Variants in CCNC observed in about 807,000 individuals in gnomAD.
The protein encoded by CCNC is cyclin-C.
In CCNC, 19 loss-of-function variants were observed where a neutral mutation model predicts 50.0. That is an observed-to-expected ratio of 0.38 (90% CI 0.27 to 0.56). CCNC has a LOEUF of 0.56. Ranked by LOEUF, CCNC falls within the 20% of genes least tolerant of loss-of-function variation. CCNC has a pLI of 0.72. For synonymous variants in CCNC, 93 were observed against 103.7 expected (o/e 0.90, Z 0.63); for missense variants, 200 against 327.1 (o/e 0.61, Z 3.00).
chr6:99,553,823 A>C (rs1432155381), intron 5 of CCNC, among the ~76,000 whole-genome samples: 1 of 152,180 alleles, frequency 6.6e-6, no homozygotes, highest in Non-Finnish European at 1.5e-5. Context: ...GTACTTTCTT[A>C]TATTAGCCCA....
chr6:99,543,725 G>C (rs1801961755), intron 11 of CCNC, 116 bp from the exon 12 acceptor site: 11 of 1,505,626 alleles, frequency 7.3e-6, no homozygotes, highest in Non-Finnish European at 9.8e-6. Flanking sequence ...ACAAAACAAA[G>C]ACATTCCTCA....
chr6:99,564,448 C>G (rs1273389076), intron 1 of CCNC, among the ~76,000 whole-genome samples: 1 of 149,888 alleles, frequency 6.7e-6, no homozygotes, highest in Non-Finnish European at 1.5e-5. Flanking sequence ...AAAAAAATTC[C>G]TATGGGTTAC....
chr6:99,561,882 C>T (rs1802795974), intron 2 of CCNC: 3 of 331,432 alleles, frequency 9.1e-6, no homozygotes, highest in African/African-American at 4.3e-5. Context: ...TATGCATAAA[C>T]AACAACAAAA....
At position 99,568,624 on chromosome 6, in the gene CCNC, A is replaced by T. The variant is rs540681466; in HGVS notation, c.-97T>A. 1.3e-5 allele frequency: 20 copies of T among 1,558,960 alleles called. No individual in the cohort carries two copies. Among genetic ancestry groups the T allele is most frequent in the Non-Finnish European group, 1.7e-5 (20 of 1,153,448 alleles). Reference sequence around the variant, plus strand: ...CGTCCGGTAACCGCGCTCCTCGATCAAATCAGCTCGGCTCGACTCCGCTCC... The same window carrying T: ...CGTCCGGTAACCGCGCTCCTCGATCTAATCAGCTCGGCTCGACTCCGCTCC... On this transcript the variant is annotated 5_prime_UTR_variant, in exon 1 of 12. Transcript: ENST00000520429.
intron 1 of CCNC, chr6:99,568,110 T>TA (rs1300396401): frequency 5.2e-6 from 1 of 193,854 alleles, no homozygotes; most frequent in Non-Finnish European, 1.1e-5. Flanking sequence ...AAACCCCAGG[T>TA]AAAAGCACGC....
rs748785666 is a variant in CCNC at position 99,568,483 on chromosome 6, G to T, written c.32+13C>A. 11 of 1,611,626 alleles carry T rather than the reference G, an allele frequency of 6.8e-6. No individual in the cohort carries two copies. In the African/African-American group the frequency reaches 1.1e-4, roughly 16 times the overall value. ...AAAACCGGCCCCAGGTGAGAAGACG[G>T]AAGATCGCTTACTAGTGGGAGCTCT... On this transcript the variant is annotated intron_variant, in intron 1 of 11. Coordinates refer to ENST00000520429, the MANE Select transcript of CCNC (RefSeq NM_005190.4).
At chr6:99,550,489 G>A (rs1802246726) in intron 7 of CCNC, 180 bp from the exon 8 acceptor site, 2 of 539,264 alleles carry the variant, frequency 3.7e-6, no homozygotes, top group South Asian at 2.6e-5. Context: ...TACCGTAATA[G>A]TGAAGGCAGT....
chr6:99,549,145 GTATT>G (rs1381337888), intron 9 of CCNC, among the ~76,000 whole-genome samples: 1 of 152,074 alleles, frequency 6.6e-6, no homozygotes, highest in Non-Finnish European at 1.5e-5. Context: ...CAACCTCTGA[GTATT>G]TGTTTGGGCT....
chr6:99,555,883 CAGTA>C (rs1053482755), intron 5 of CCNC, among the ~76,000 whole-genome samples: 3 of 152,118 alleles, frequency 2.0e-5, no homozygotes, highest in African/African-American at 7.2e-5. Flanking sequence ...TTCTCTTTTT[CAGTA>C]CCAGCTTCAG....
rs953074576 is a variant in CCNC at position 99,542,963 on chromosome 6, T to A, written c.*592A>T. 1 of 152,602 alleles carries A rather than the reference T, an allele frequency of 6.6e-6. No homozygotes were observed. The highest frequency in any genetic ancestry group is 2.4e-5 in the African/African-American group (1 of 41,458). 9.5% of individuals were successfully genotyped at this position (152,602 alleles called of 1,614,324 possible). A position where few individuals can be genotyped will look rare whatever the true frequency, so the allele number is the denominator to read the frequency against. ...TACATATTGCACTTTTCTGCTAGGC[T>A]GGGCTAGTATCTTCCATGGCAAGAT... On this transcript the variant is annotated 3_prime_UTR_variant, in exon 12 of 12. Transcript: ENST00000520429.
intron 4 of CCNC, among the ~76,000 whole-genome samples, chr6:99,559,120 C>T (rs1400073436): frequency 6.6e-6 from 1 of 151,078 alleles, no homozygotes; most frequent in East Asian, 1.9e-4. Flanking sequence ...TTAACAGATA[C>T]TTCATGCCAT....
At position 99,568,633 on chromosome 6, in the gene CCNC, C is replaced by G; in HGVS notation, c.-106G>C. On this transcript the variant is annotated 5_prime_UTR_variant, in exon 1 of 12. Coordinates refer to ENST00000520429, the MANE Select transcript of CCNC (RefSeq NM_005190.4). ...ACCGCGCTCCTCGATCAAATCAGCT[C>G]GGCTCGACTCCGCTCCGCGGCGGCG... The G allele has an allele frequency of 6.5e-7, 1 of 1,548,774 alleles. No homozygotes were observed. Among genetic ancestry groups the G allele is most frequent in the Non-Finnish European group, 8.7e-7 (1 of 1,148,672 alleles).
intron 11 of CCNC, among the ~76,000 whole-genome samples, chr6:99,544,870 C>A (rs546425992): frequency 2.1e-4 from 32 of 151,894 alleles, no homozygotes; most frequent in Non-Finnish European, 3.7e-4. Context: ...TGGTATATGA[C>A]CATATGTTGA....
Position 99,545,143 on chromosome 6 carries a change from T to G in CCNC, c.766A>C (p.Lys256Gln). Reference protein sequence around the residue: ...ERKEMATILSKMPKPKPPPNS... With the variant: ...ERKEMATILSQMPKPKPPPNS... ...GGAGGTGGTTTTGGTTTTGGCATCT[T>G]ACTAAGAATGGTTGCCATCTCTTTT... Residue 256 changes from lysine (K) to glutamine (Q), a missense_variant, in exon 11 of 12, where the codon AAG becomes CAG. Physicochemically the swap from Lys to Gln is moderately conservative, Grantham distance 53. Coordinates refer to ENST00000520429, the MANE Select transcript of CCNC (RefSeq NM_005190.4). The G allele has an allele frequency of 6.2e-7, 1 of 1,608,606 alleles. No individual in the cohort carries two copies. The highest frequency in any genetic ancestry group is 1.7e-5 in the Admixed American group (1 of 60,000).
At position 99,551,018 on chromosome 6, in the gene CCNC, C is replaced by T. The variant is rs1802273954; in HGVS notation, c.413G>A (p.Cys138Tyr). 1.8e-6 allele frequency: 2 copies of T among 1,108,180 alleles called. No homozygotes were observed. Among genetic ancestry groups the T allele is most frequent in the Non-Finnish European group, 2.5e-6 (2 of 798,550 alleles). The allele number at this position is 1,108,180 out of a possible 1,614,324, so 68.6% of individuals were successfully genotyped here. A position where few individuals can be genotyped will look rare whatever the true frequency, so the allele number is the denominator to read the frequency against. Reference protein sequence around the residue: ...FPYRMNHILECEFYLLELMDC... With the variant: ...FPYRMNHILEYEFYLLELMDC... ...CATTAGTTCTAACAGATAGAATTCA[C>T]ATTCTAATATCTGTTTAAAACAAAG... The change falls in exon 7 of 12, where the codon TGT becomes TAT. Residue 138 changes from cysteine (C) to tyrosine (Y), a missense_variant. Transcript: ENST00000520429.
At chr6:99,559,191 TA>T (rs769090651) in intron 4 of CCNC, among the ~76,000 whole-genome samples, 1,866 of 119,314 alleles carry the variant, frequency 0.016, 12 homozygotes, top group African/African-American at 0.025. Context: ...CCAAAAGAAC[TA>T]AAAAAAAAAA....
intron 1 of CCNC, among the ~76,000 whole-genome samples, chr6:99,564,630 AT>A (rs908914946): frequency 1.3e-5 from 2 of 151,930 alleles, no homozygotes; most frequent in African/African-American, 2.4e-5. Flanking sequence ...GGGATTACCG[AT>A]TTTTTTAATG....
chr6:99,558,906 A>G (rs1345224954), intron 4 of CCNC, among the ~76,000 whole-genome samples: 1 of 152,034 alleles, frequency 6.6e-6, no homozygotes, highest in Admixed American at 6.6e-5. Context: ...TGCCTGTATT[A>G]CCTCTCCCCC....
At chr6:99,546,762 G>A (rs1173141632) in intron 9 of CCNC, among the ~76,000 whole-genome samples, 2 of 152,212 alleles carry the variant, frequency 1.3e-5, no homozygotes, top group African/African-American at 2.4e-5. Flanking sequence ...AATGAGGAGA[G>A]CAGAAAAGGG....
Sources: allele counts gnomAD v4.1 joint callset (sites outside exome capture counted in the v4.1 genomes callset), GRCh38; gene constraint gnomAD v4.1.1; transcripts MANE v1.5; gene names NCBI Gene and HGNC (gene_info 2026-07-23, HGNC 2026-07-21).